Variants in PHLPP1 observed in about 807,000 individuals in gnomAD.
PHLPP1 encodes PH domain leucine-rich repeat-containing protein phosphatase 1.
PHLPP1 carries 42 observed loss-of-function variants against 117.2 expected under a neutral mutation model. The observed-to-expected ratio is 0.36, with a 90% CI of 0.28 to 0.46. PHLPP1 has a LOEUF of 0.46. Ranked by LOEUF, PHLPP1 falls within the 20% of genes least tolerant of loss-of-function variation. The pLI is 1.00. For synonymous variants in PHLPP1, 1,042 were observed against 970.7 expected (o/e 1.07, Z -1.37); for missense variants, 2,084 against 2,241.9 (o/e 0.93, Z 1.42).
intron 1 of PHLPP1, among the ~76,000 whole-genome samples, chr18:62,743,167 TTA>T (rs1281919808): frequency 6.6e-6 from 1 of 152,198 alleles, no homozygotes; most frequent in Non-Finnish European, 1.5e-5. Context: ...ATTAGTTTCT[TTA>T]TAGTTATTAT....
rs1227410426 is a variant in PHLPP1 at position 62,975,514 on chromosome 18, C to T, written c.3873C>T (p.Cys1291=). The change falls in exon 16 of 17, where the codon TGC becomes TGT. Residue 1291 remains cysteine (C), a synonymous_variant. Coordinates refer to ENST00000262719, the MANE Select transcript of PHLPP1 (RefSeq NM_194449.4). The part of the protein sequence containing the change: ...FTLTSANVGK[C]QTVLCRNGKP... ...TGACCTCTGCTAATGTGGGCAAGTGCCAAACAGTTCTCTGTCGAAATGGAA... is the reference window on the plus strand; with the variant it reads ...TGACCTCTGCTAATGTGGGCAAGTGTCAAACAGTTCTCTGTCGAAATGGAA... 5.6e-6 allele frequency: 9 copies of T among 1,613,556 alleles called. No individual in the cohort carries two copies. Among genetic ancestry groups the T allele is most frequent in the Non-Finnish European group, 6.8e-6 (8 of 1,179,596 alleles).
intron 1 of PHLPP1, among the ~76,000 whole-genome samples, chr18:62,782,291 T>C (rs1198409872): frequency 1.3e-5 from 2 of 152,232 alleles, no homozygotes; most frequent in Non-Finnish European, 2.9e-5. Flanking sequence ...GGCAAGCCTC[T>C]TCTGCTGAAC....
chr18:62,967,351 G>A (rs974707634), intron 14 of PHLPP1, among the ~76,000 whole-genome samples: 4 of 152,044 alleles, frequency 2.6e-5, no homozygotes, highest in Admixed American at 1.3e-4. Flanking sequence ...GTATCATTTC[G>A]CGCTCCCAAC....
intron 1 of PHLPP1, among the ~76,000 whole-genome samples, chr18:62,753,520 A>G (rs1911922239): frequency 6.6e-6 from 1 of 152,190 alleles, no homozygotes; most frequent in Non-Finnish European, 1.5e-5. Flanking sequence ...CCTGTTCCCT[A>G]GCAGATGTTT....
intron 1 of PHLPP1, among the ~76,000 whole-genome samples, chr18:62,808,060 A>T (rs547595263): frequency 6.6e-6 from 1 of 152,342 alleles, no homozygotes; most frequent in African/African-American, 2.4e-5. Flanking sequence ...CCAAAAAGTT[A>T]TGCGGTGCAT....
intron 6 of PHLPP1, among the ~76,000 whole-genome samples, chr18:62,901,632 T>TC (rs1210114940): frequency 6.6e-6 from 1 of 151,552 alleles, no homozygotes; most frequent in Non-Finnish European, 1.5e-5. Context: ...TTTTTTCTTT[T>TC]TTTTTTTTTG....
chr18:62,971,365 T>A (rs559268006), intron 14 of PHLPP1, among the ~76,000 whole-genome samples: 1 of 152,268 alleles, frequency 6.6e-6, no homozygotes, highest in Non-Finnish European at 1.5e-5. Flanking sequence ...GGCCTTATTT[T>A]TTTTTTTTCC....
intron 1 of PHLPP1, among the ~76,000 whole-genome samples, chr18:62,718,311 G>A (rs2122042037): frequency 6.6e-6 from 1 of 152,290 alleles, no homozygotes; most frequent in East Asian, 1.9e-4. Context: ...TAGGTTGTAG[G>A]TGATGGTGGA....
At chr18:62,764,019 C>T (rs567365954) in intron 1 of PHLPP1, among the ~76,000 whole-genome samples, 127 of 151,828 alleles carry the variant, frequency 8.4e-4, no homozygotes, top group African/African-American at 2.9e-3. Flanking sequence ...AAAAATTAGC[C>T]GGGCGTGGTG....
chr18:62,794,232 GTTGT>G (rs959271873), intron 1 of PHLPP1, among the ~76,000 whole-genome samples: 8 of 151,832 alleles, frequency 5.3e-5, no homozygotes, highest in Admixed American at 5.2e-4. Flanking sequence ...GTTTTGTTTT[GTTGT>G]TTTTTTTCTT....
At chr18:62,786,129 A>C (rs537645685) in intron 1 of PHLPP1, among the ~76,000 whole-genome samples, 46 of 152,306 alleles carry the variant, frequency 3.0e-4, no homozygotes, top group Middle Eastern at 3.4e-3. Context: ...AAAGAGAGAC[A>C]TTACATTTCT....
intron 1 of PHLPP1, among the ~76,000 whole-genome samples, chr18:62,820,152 A>G (rs1005558357): frequency 2.0e-5 from 3 of 152,226 alleles, no homozygotes; most frequent in Admixed American, 6.5e-5. Context: ...AGATATAACA[A>G]TCCTAAATGT....
At chr18:62,831,887 C>A (rs961783800) in intron 2 of PHLPP1, among the ~76,000 whole-genome samples, 1 of 152,138 alleles carries the variant, frequency 6.6e-6, no homozygotes, top group East Asian at 1.9e-4. Context: ...GTGCAAGATG[C>A]GTTTAGATTG....
At chr18:62,719,424 A>T in intron 1 of PHLPP1, among the ~76,000 whole-genome samples, 1 of 152,246 alleles carries the variant, frequency 6.6e-6, no homozygotes, top group African/African-American at 2.4e-5. Context: ...AAGTTCAGTT[A>T]TTGATGAACA....
intron 10 of PHLPP1, among the ~76,000 whole-genome samples, chr18:62,928,471 A>G (rs1027480971): frequency 1.3e-5 from 2 of 152,208 alleles, no homozygotes; most frequent in Non-Finnish European, 2.9e-5. Context: ...ATCAGATATG[A>G]CTTATACCCA....
intron 1 of PHLPP1, among the ~76,000 whole-genome samples, chr18:62,747,357 T>G (rs920202172): frequency 1.3e-5 from 2 of 148,728 alleles, no homozygotes; most frequent in African/African-American, 5.0e-5. Flanking sequence ...TGATCTTGGC[T>G]CACTGCAACC....
At chr18:62,947,393 G>T (rs1435802002) in intron 12 of PHLPP1, among the ~76,000 whole-genome samples, 1 of 152,126 alleles carries the variant, frequency 6.6e-6, no homozygotes, top group Non-Finnish European at 1.5e-5. Context: ...AACTATTTTG[G>T]CTGAAGCTCA....
At chr18:62,893,665 A>C (rs1405815050) in intron 4 of PHLPP1, among the ~76,000 whole-genome samples, 2 of 152,332 alleles carry the variant, frequency 1.3e-5, no homozygotes, top group African/African-American at 4.8e-5. Flanking sequence ...GGCAGAGTGC[A>C]TACTGTCTAG....
intron 4 of PHLPP1, among the ~76,000 whole-genome samples, chr18:62,869,630 A>T (rs116417434): frequency 0.034 from 5,253 of 152,264 alleles, 277 homozygotes; most frequent in African/African-American, 0.12. Context: ...CTTTTCTTTT[A>T]AAAAAGCAAA....
Sources: gnomAD v4.1 joint callset for allele counts (sites outside exome capture counted in the v4.1 genomes callset) on GRCh38, gnomAD v4.1.1 for gene constraint, MANE v1.5 for transcripts, NCBI Gene and HGNC (gene_info 2026-07-23, HGNC 2026-07-21) for gene names.